The following TRPM3 variants were observed in gnomAD, a reference collection of about 807,000 sequenced individuals.
The protein encoded by TRPM3 is long transient receptor potential channel 3.
A neutral mutation model predicts 181.2 loss-of-function variants in TRPM3; 77 were observed. The ratio of observed to expected loss-of-function variants is 0.42; its 90% CI spans 0.35 to 0.51. The LOEUF is 0.51. Among genes scored for constraint, TRPM3 ranks in the 20% least tolerant of loss-of-function variants. TRPM3 has a pLI of 0.01. For synonymous variants in TRPM3, 745 were observed against 796.4 expected, an observed-to-expected ratio of 0.94 and a Z score of 1.09; for missense variants, 1,759 against 2,196.7, an observed-to-expected ratio of 0.80 and a Z score of 3.98.
At chr9:71,047,987 A>G (rs2059651473) in intron 1 of TRPM3, among the ~76,000 whole-genome samples, 1 of 152,188 alleles carries the variant, frequency 6.6e-6, no homozygotes, top group Non-Finnish European at 1.5e-5. Flanking sequence ...TTTGTTCAAT[A>G]AACGAATGAA....
In TRPM3 at chr9:70,610,755, T is replaced by C; in HGVS notation, c.2527-6A>G. On this transcript the variant is annotated splice_region_variant and splice_polypyrimidine_tract_variant and intron_variant, in intron 18 of 25. Coordinates refer to ENST00000677713, the MANE Select transcript of TRPM3 (RefSeq NM_001366145.2). ...TTGTTTCGTCCCAACATTGCCTATG[T>C]TGGAAGAGAATCGATACCATCATGA... The C allele has an allele frequency of 6.2e-7, 1 of 1,614,120 alleles. No individual in the cohort carries two copies. Among genetic ancestry groups the C allele is most frequent in the Non-Finnish European group, 8.5e-7 (1 of 1,179,984 alleles).
chr9:71,030,735 T>C (rs1823496592), intron 1 of TRPM3, among the ~76,000 whole-genome samples: 1 of 152,166 alleles, frequency 6.6e-6, no homozygotes, highest in Admixed American at 6.5e-5. Flanking sequence ...AATAAATGTA[T>C]TAATCTGTAA....
chr9:70,834,211 T>G (rs2094146989), intron 5 of TRPM3, among the ~76,000 whole-genome samples: 1 of 152,190 alleles, frequency 6.6e-6, no homozygotes, highest in Non-Finnish European at 1.5e-5. Flanking sequence ...ATTAGCAGTG[T>G]GAATCCCACT....
intron 1 of TRPM3, among the ~76,000 whole-genome samples, chr9:71,143,382 C>A (rs1318948584): frequency 6.6e-6 from 1 of 152,068 alleles, no homozygotes; most frequent in Non-Finnish European, 1.5e-5. Context: ...TTGTTCCTCT[C>A]TACGTGTCCA....
intron 1 of TRPM3, among the ~76,000 whole-genome samples, chr9:70,990,816 A>G (rs546282180): frequency 6.6e-6 from 1 of 152,304 alleles, no homozygotes; most frequent in African/African-American, 2.4e-5. Context: ...CATGTTCCAA[A>G]TGGGCTTTGA....
intron 1 of TRPM3, among the ~76,000 whole-genome samples, chr9:71,272,375 GTC>G (rs1273346844): frequency 2.6e-5 from 4 of 152,038 alleles, no homozygotes; most frequent in African/African-American, 7.2e-5. Flanking sequence ...TTAAAAATGA[GTC>G]TATTTCACAA....
chr9:70,576,133 C>A (rs906909681), intron 22 of TRPM3, among the ~76,000 whole-genome samples: 1 of 152,234 alleles, frequency 6.6e-6, no homozygotes, highest in East Asian at 1.9e-4. Context: ...ATGGGCGGTA[C>A]AATGTAGTTT....
intron 1 of TRPM3, among the ~76,000 whole-genome samples, chr9:71,205,354 G>A (rs1186515637): frequency 6.6e-6 from 1 of 152,060 alleles, no homozygotes; most frequent in Admixed American, 6.6e-5. Flanking sequence ...TTACAAAAAA[G>A]CTTCTCATTC....
intron 1 of TRPM3, among the ~76,000 whole-genome samples, chr9:71,314,363 T>C (rs2088331988): frequency 6.6e-6 from 1 of 152,192 alleles, no homozygotes; most frequent in Non-Finnish European, 1.5e-5. Context: ...CTTCAACATT[T>C]AAGTTTCTTT....
chr9:71,356,586 A>G (rs529590427), intron 1 of TRPM3, among the ~76,000 whole-genome samples: 1 of 152,252 alleles, frequency 6.6e-6, no homozygotes, highest in Admixed American at 6.5e-5. Flanking sequence ...AAAAATGGGG[A>G]TAATAATTTC....
chr9:71,258,596 C>A (rs1182286703), intron 1 of TRPM3, among the ~76,000 whole-genome samples: 1 of 152,152 alleles, frequency 6.6e-6, no homozygotes, highest in Admixed American at 6.6e-5. Flanking sequence ...TAAAGTAACA[C>A]TTATTTTTCA....
chr9:70,964,803 C>T (rs2097170400), intron 1 of TRPM3, among the ~76,000 whole-genome samples: 1 of 152,038 alleles, frequency 6.6e-6, no homozygotes, highest in African/African-American at 2.4e-5. Context: ...TCTATTTCAG[C>T]AATCAGAAGA....
chr9:71,407,221 A>T (rs1269366571), intron 1 of TRPM3, among the ~76,000 whole-genome samples: 1 of 152,086 alleles, frequency 6.6e-6, no homozygotes, highest in Non-Finnish European at 1.5e-5. Context: ...TCTCATTAGG[A>T]CTGGTTGGAC....
intron 1 of TRPM3, among the ~76,000 whole-genome samples, chr9:70,969,756 TTATA>T (rs78938143): frequency 1.0e-4 from 13 of 126,588 alleles, no homozygotes; most frequent in South Asian, 5.3e-4. Flanking sequence ...CTGAATGATT[TTATA>T]TATATATATA....
At chr9:70,772,478 C>T (rs1345524795) in intron 7 of TRPM3, among the ~76,000 whole-genome samples, 1 of 152,050 alleles carries the variant, frequency 6.6e-6, no homozygotes, top group Non-Finnish European at 1.5e-5. Flanking sequence ...GATGCCACCA[C>T]ACCTGGCTAA....
intron 1 of TRPM3, among the ~76,000 whole-genome samples, chr9:71,241,596 T>C (rs1240368963): frequency 6.6e-6 from 1 of 151,970 alleles, no homozygotes; most frequent in African/African-American, 2.4e-5. Flanking sequence ...TGTATACGTA[T>C]GTAACTAACC....
chr9:70,885,053 C>T (rs2096063843), intron 1 of TRPM3, among the ~76,000 whole-genome samples: 1 of 152,176 alleles, frequency 6.6e-6, no homozygotes, highest in Non-Finnish European at 1.5e-5. Context: ...GCCCAACCCC[C>T]TGTTGCTGCC....
intron 1 of TRPM3, among the ~76,000 whole-genome samples, chr9:70,950,903 G>C (rs2096991166): frequency 1.3e-5 from 2 of 152,028 alleles, no homozygotes; most frequent in Admixed American, 6.6e-5. Context: ...ACCCTTGCTA[G>C]ATTTTGCATT....
At chr9:70,824,139 T>C (rs997443989) in intron 6 of TRPM3, among the ~76,000 whole-genome samples, 1 of 152,162 alleles carries the variant, frequency 6.6e-6, no homozygotes. Flanking sequence ...ACCATTTATG[T>C]AAGAAAACAG....
Sources: allele counts gnomAD v4.1 joint callset (sites outside exome capture counted in the v4.1 genomes callset), GRCh38; gene constraint gnomAD v4.1.1; transcripts MANE v1.5; gene names NCBI Gene and HGNC (gene_info 2026-07-23, HGNC 2026-07-21).